Variants in MACROD2 observed in about 807,000 individuals in gnomAD.
MACROD2 encodes the protein ADP-ribose glycohydrolase MACROD2.
MACROD2 carries 36 observed loss-of-function variants against 70.4 expected under a neutral mutation model. The observed-to-expected ratio is 0.51, with a 90% CI of 0.39 to 0.68. The LOEUF (loss-of-function observed/expected upper bound fraction) is 0.68. Ranked by LOEUF, MACROD2 falls within the 30% of genes least tolerant of loss-of-function variation. The pLI is 0.00. For missense variants in MACROD2, 496 were observed against 538.4 expected (o/e 0.92, Z 0.78); for synonymous variants, 172 against 178.8 (o/e 0.96, Z 0.30).
intron 3 of MACROD2, among the ~76,000 whole-genome samples, chr20:14,130,153 A>G (rs2054699367): frequency 6.6e-6 from 1 of 152,228 alleles, no homozygotes; most frequent in Admixed American, 6.5e-5. Flanking sequence ...ATTTTCTTAC[A>G]TTTTTATGAA....
At chr20:14,059,199 T>C (rs1306960103) in intron 2 of MACROD2, among the ~76,000 whole-genome samples, 4 of 152,226 alleles carry the variant, frequency 2.6e-5, no homozygotes, top group Non-Finnish European at 4.4e-5. Context: ...CCTCTGTCTT[T>C]TTAATGATGT....
At chr20:14,609,477 T>C (rs980529354) in intron 4 of MACROD2, among the ~76,000 whole-genome samples, 1 of 152,108 alleles carries the variant, frequency 6.6e-6, no homozygotes, top group African/African-American at 2.4e-5. Context: ...AAAGGTCACT[T>C]CTTTCCCCTT....
chr20:15,215,763 A>T (rs1000199508), intron 5 of MACROD2, among the ~76,000 whole-genome samples: 24 of 152,220 alleles, frequency 1.6e-4, no homozygotes, highest in African/African-American at 5.8e-4. Flanking sequence ...ATGATGTTCC[A>T]GTAAGAAGAG....
intron 5 of MACROD2, among the ~76,000 whole-genome samples, chr20:14,933,494 A>G (rs981066593): frequency 9.9e-5 from 15 of 152,140 alleles, no homozygotes; most frequent in Non-Finnish European, 1.9e-4. Flanking sequence ...AGCCTGGGCA[A>G]CATAGAGAGA....
chr20:14,992,571 G>A (rs1600920131), intron 5 of MACROD2, among the ~76,000 whole-genome samples: 3 of 152,172 alleles, frequency 2.0e-5, no homozygotes, highest in East Asian at 3.9e-4. Flanking sequence ...AATGTGATAT[G>A]GCCTTTAAGA....
intron 8 of MACROD2, among the ~76,000 whole-genome samples, chr20:15,676,956 G>T (rs949561921): frequency 3.3e-5 from 5 of 152,184 alleles, no homozygotes; most frequent in African/African-American, 9.6e-5. Flanking sequence ...CCTTGATGGG[G>T]ATGCAATCTA....
chr20:15,526,131 G>T (rs1373880424), intron 8 of MACROD2, among the ~76,000 whole-genome samples: 2 of 152,162 alleles, frequency 1.3e-5, no homozygotes, highest in African/African-American at 4.8e-5. Context: ...AAGGACTATG[G>T]TTTTGGGGAT....
At chr20:15,949,081 C>T (rs2065869321) in intron 12 of MACROD2, among the ~76,000 whole-genome samples, 1 of 152,146 alleles carries the variant, frequency 6.6e-6, no homozygotes, top group Non-Finnish European at 1.5e-5. Flanking sequence ...CTTTATGAGT[C>T]TCAATTTATT....
chr20:15,662,766 T>A (rs923868991), intron 8 of MACROD2, among the ~76,000 whole-genome samples: 3 of 152,020 alleles, frequency 2.0e-5, no homozygotes, highest in Non-Finnish European at 4.4e-5. Flanking sequence ...TTTAATTGTT[T>A]TAAGTTTTGA....
intron 4 of MACROD2, among the ~76,000 whole-genome samples, chr20:14,668,894 C>T (rs982949341): frequency 6.6e-6 from 1 of 151,682 alleles, no homozygotes; most frequent in Non-Finnish European, 1.5e-5. Flanking sequence ...ACTATGAGCC[C>T]TATTGAATAA....
intron 5 of MACROD2, among the ~76,000 whole-genome samples, chr20:14,767,988 A>G (rs1002370757): frequency 6.6e-6 from 1 of 152,192 alleles, no homozygotes; most frequent in Non-Finnish European, 1.5e-5. Context: ...TTATGGCTGC[A>G]TAGTATTCCA....
intron 5 of MACROD2, among the ~76,000 whole-genome samples, chr20:15,179,776 TACTA>T: frequency 6.6e-6 from 1 of 152,220 alleles, no homozygotes; most frequent in Non-Finnish European, 1.5e-5. Context: ...AGGTCATTCT[TACTA>T]ACCAACACCT....
chr20:14,583,780 A>G (rs1981194690), intron 4 of MACROD2, among the ~76,000 whole-genome samples: 1 of 152,250 alleles, frequency 6.6e-6, no homozygotes, highest in Non-Finnish European at 1.5e-5. Context: ...CTTAAGAGAT[A>G]GACAAATATA....
chr20:14,364,976 G>T (rs1049534763), intron 3 of MACROD2, among the ~76,000 whole-genome samples: 1 of 152,150 alleles, frequency 6.6e-6, no homozygotes, highest in African/African-American at 2.4e-5. Flanking sequence ...AGTAATGCTA[G>T]CTTCATAGAA....
intron 2 of MACROD2, among the ~76,000 whole-genome samples, chr20:14,019,420 C>T (rs1040265440): frequency 2.0e-5 from 3 of 152,070 alleles, no homozygotes; most frequent in Non-Finnish European, 4.4e-5. Context: ...CAGGCACGTG[C>T]CACCATGCCC....
intron 4 of MACROD2, among the ~76,000 whole-genome samples, chr20:14,567,510 C>T (rs1051003112): frequency 6.6e-6 from 1 of 152,050 alleles, no homozygotes; most frequent in Non-Finnish European, 1.5e-5. Flanking sequence ...TTTTATTGGG[C>T]TCACTCTTCA....
chr20:15,105,056 G>A (rs181891502), intron 5 of MACROD2, among the ~76,000 whole-genome samples: 13 of 152,062 alleles, frequency 8.5e-5, no homozygotes, highest in Admixed American at 3.3e-4. Flanking sequence ...TGAAGAAGAC[G>A]CACAACATAT....
At chr20:14,844,704 C>T (rs959046950) in intron 5 of MACROD2, among the ~76,000 whole-genome samples, 5 of 151,978 alleles carry the variant, frequency 3.3e-5, no homozygotes, top group African/African-American at 4.8e-5. Flanking sequence ...AACATAGTGT[C>T]CTAGGCAAAC....
At chr20:15,141,071 G>C (rs558961714) in intron 5 of MACROD2, among the ~76,000 whole-genome samples, 1 of 151,664 alleles carries the variant, frequency 6.6e-6, no homozygotes, top group Non-Finnish European at 1.5e-5. Flanking sequence ...TTATATATCT[G>C]CATATAGAAT....
Sources: allele counts gnomAD v4.1 joint callset (sites outside exome capture counted in the v4.1 genomes callset), GRCh38; gene constraint gnomAD v4.1.1; transcripts MANE v1.5; gene names NCBI Gene and HGNC (gene_info 2026-07-23, HGNC 2026-07-21).